Variants in EEIG1 observed in about 807,000 individuals in gnomAD.
The protein encoded by EEIG1 is estrogen-induced osteoclastogenesis regulator 1, also known as early estrogen-induced gene 1 protein.
the EEIG1 span, among the ~76,000 whole-genome samples, chr9:127,951,963 C>T: frequency 1.3e-5 from 2 of 152,314 alleles, no homozygotes; most frequent in African/African-American, 4.8e-5. Flanking sequence ...GCCTCAGTTT[C>T]CTCCTCTGTA....
chr9:127,955,241 T>G, the EEIG1 span, among the ~76,000 whole-genome samples: 1 of 152,214 alleles, frequency 6.6e-6, no homozygotes, highest in Non-Finnish European at 1.5e-5. Flanking sequence ...AAGCCTCCCC[T>G]GAGCATCGCC....
chr9:127,957,967 G>A, the EEIG1 span, among the ~76,000 whole-genome samples: 2 of 152,088 alleles, frequency 1.3e-5, no homozygotes, highest in Non-Finnish European at 2.9e-5. Flanking sequence ...GAGCCAAGAC[G>A]GCACTACTGC....
At chr9:127,948,155 C>A in the EEIG1 span, 1 of 1,614,004 alleles carries the variant, frequency 6.2e-7, no homozygotes. Flanking sequence ...CTGGTCCCAC[C>A]ACCCTTACAC....
the EEIG1 span, among the ~76,000 whole-genome samples, chr9:127,978,737 T>G: frequency 1.3e-5 from 2 of 152,038 alleles, no homozygotes; most frequent in African/African-American, 4.8e-5. Context: ...CTGAGGACGC[T>G]GAGGCAGGAG....
chr9:127,963,338 C>T, the EEIG1 span, among the ~76,000 whole-genome samples: 3 of 152,252 alleles, frequency 2.0e-5, no homozygotes, highest in African/African-American at 7.2e-5. Context: ...GCAGGGCTGG[C>T]CGCCCGCCTG....
At chr9:127,975,514 A>G in the EEIG1 span, among the ~76,000 whole-genome samples, 1 of 152,170 alleles carries the variant, frequency 6.6e-6, no homozygotes, top group Non-Finnish European at 1.5e-5. Context: ...CTTCATACAG[A>G]GAGTTACTAA....
At chr9:127,969,019 T>G in the EEIG1 span, among the ~76,000 whole-genome samples, 1 of 152,174 alleles carries the variant, frequency 6.6e-6, no homozygotes, top group Non-Finnish European at 1.5e-5. Context: ...GGGGGACACA[T>G]CCCAAGAGCC....
chr9:127,971,932 C>T, the EEIG1 span, among the ~76,000 whole-genome samples: 2 of 152,130 alleles, frequency 1.3e-5, no homozygotes, highest in Non-Finnish European at 2.9e-5. Flanking sequence ...ACCAGAAGGG[C>T]GAGGAGCAGT....
chr9:127,959,812 G>C, the EEIG1 span, among the ~76,000 whole-genome samples: 1 of 152,166 alleles, frequency 6.6e-6, no homozygotes, highest in South Asian at 2.1e-4. Flanking sequence ...AAATTACCCA[G>C]TCTTCGGTAT....
the EEIG1 span, among the ~76,000 whole-genome samples, chr9:127,955,541 A>G: frequency 4.6e-5 from 7 of 152,228 alleles, no homozygotes; most frequent in Non-Finnish European, 1.0e-4. Flanking sequence ...CTGAGTGCCA[A>G]GCAGGTGCTG....
the EEIG1 span, chr9:127,945,420 C>A: frequency 6.4e-7 from 1 of 1,574,184 alleles, no homozygotes; most frequent in Non-Finnish European, 8.6e-7. This position sits in a 1 kb window ranked among gnomAD's most constrained non-coding sequence, Gnocchi z 6.5. Context: ...GCGGCTTCTC[C>A]GGGGGCCGGT....
At chr9:127,957,267 T>G in the EEIG1 span, among the ~76,000 whole-genome samples, 1 of 152,060 alleles carries the variant, frequency 6.6e-6, no homozygotes, top group African/African-American at 2.4e-5. Context: ...TAAAAATGCA[T>G]GAGTTCAGAA....
chr9:127,953,478 C>G, the EEIG1 span: 1 of 1,120,004 alleles, frequency 8.9e-7, no homozygotes, highest in South Asian at 1.3e-5. Flanking sequence ...CTGAGTGCCT[C>G]TTGCTTGTGG....
At chr9:127,944,592 A>AC in the EEIG1 span, 13 of 1,577,790 alleles carry the variant, frequency 8.2e-6, no homozygotes, top group Non-Finnish European at 1.1e-5. Context: ...CGCCCCGACG[A>AC]CCCCTCCCTA....
At chr9:127,952,291 G>C in the EEIG1 span, among the ~76,000 whole-genome samples, 1 of 152,228 alleles carries the variant, frequency 6.6e-6, no homozygotes, top group African/African-American at 2.4e-5. Flanking sequence ...CTGGTCAGTG[G>C]GAAGGGCCAC....
At chr9:127,959,558 G>A in the EEIG1 span, among the ~76,000 whole-genome samples, 3 of 152,212 alleles carry the variant, frequency 2.0e-5, no homozygotes, top group East Asian at 3.8e-4. Context: ...GTCAAGGGAA[G>A]GGCCTGGGGG....
the EEIG1 span, among the ~76,000 whole-genome samples, chr9:127,976,196 G>C: frequency 1.3e-5 from 2 of 152,242 alleles, no homozygotes; most frequent in Admixed American, 1.3e-4. The surrounding 1 kb of genome is among the most constrained non-coding windows in gnomAD (Gnocchi z 4.1). Flanking sequence ...ATCAAGGCAA[G>C]ACAGGGCCTT....
At chr9:127,977,348 C>G in the EEIG1 span, among the ~76,000 whole-genome samples, 1 of 152,230 alleles carries the variant, frequency 6.6e-6, no homozygotes, top group East Asian at 1.9e-4. Context: ...GGACTAAGAC[C>G]TGGAACTTCC....
the EEIG1 span, among the ~76,000 whole-genome samples, chr9:127,958,849 T>A: frequency 6.6e-6 from 1 of 151,920 alleles, no homozygotes; most frequent in South Asian, 2.1e-4. Context: ...AAAATCCAAT[T>A]AAAAATGGGC....
Sources: gnomAD v4.1 joint callset for allele counts (sites outside exome capture counted in the v4.1 genomes callset) on GRCh38, gnomAD v4.1.1 for gene constraint, Gnocchi (gnomAD v3.1) non-coding constraint, MANE v1.5 for transcripts, NCBI Gene and HGNC (gene_info 2026-07-23, HGNC 2026-07-21) for gene names.